The following SRPX variants were observed in gnomAD, a reference collection of about 807,000 sequenced individuals.
SRPX encodes the protein sushi repeat-containing protein SRPX.
In SRPX, 24 loss-of-function variants were observed where a neutral mutation model predicts 38.1. The observed-to-expected ratio is 0.63, with a 90% CI of 0.46 to 0.89. The LOEUF (loss-of-function observed/expected upper bound fraction) is 0.89, where lower values mean the gene tolerates loss of function less well. Ranked by LOEUF, SRPX falls within the 40% of genes least tolerant of loss-of-function variation. The probability of loss-of-function intolerance (pLI) is 0.00; values close to 1 mark genes in which losing one functional copy is unlikely to be tolerated. For missense variants in SRPX, 416 were observed against 377.8 expected (o/e 1.10, Z -0.84); for synonymous variants, 184 against 153.8 (o/e 1.20, Z -1.45).
At position 38,161,779 on chromosome X, in the gene SRPX, G is replaced by T. The variant is rs1044611262; in HGVS notation, c.654-725C>A. Among the ~76,000 whole-genome samples, 8 of 111,797 alleles carry T rather than the reference G, an allele frequency of 7.2e-5. No homozygotes were observed. In the Admixed American group the frequency reaches 7.6e-4, roughly 11 times the overall value. ...AAAAAGGCTAAAGAACTTGCCCAAGGTCACACAGCTAGGGTGAGTTTATCT... is the reference window on the plus strand; with the variant it reads ...AAAAAGGCTAAAGAACTTGCCCAAGTTCACACAGCTAGGGTGAGTTTATCT... On this transcript the variant is annotated intron_variant, in intron 5 of 9. Coordinates refer to ENST00000378533, the MANE Select transcript of SRPX (RefSeq NM_006307.5).
chrX:38,201,921 G>A (rs933534785), intron 1 of SRPX, among the ~76,000 whole-genome samples: 18 of 112,128 alleles, frequency 1.6e-4, no homozygotes, highest in Admixed American at 9.4e-4. Context: ...TAGACACTGG[G>A]TACAGAGAGA....
chrX:38,183,452 T>C (rs759285026), intron 1 of SRPX, among the ~76,000 whole-genome samples: 7 of 112,017 alleles, frequency 6.2e-5, no homozygotes, highest in African/African-American at 2.3e-4. Flanking sequence ...ATATATTAAC[T>C]TCTATAAAAA....
intron 1 of SRPX, among the ~76,000 whole-genome samples, chrX:38,218,260 G>A (rs1018080046): frequency 1.8e-5 from 2 of 112,472 alleles, no homozygotes; most frequent in Non-Finnish European, 3.8e-5. Flanking sequence ...TTTGCAGAAG[G>A]AGGCAGAGTG....
chrX:38,179,967 A>T (rs976381279), intron 1 of SRPX, among the ~76,000 whole-genome samples: 3 of 111,275 alleles, frequency 2.7e-5, no homozygotes, highest in African/African-American at 9.8e-5. Flanking sequence ...AAAAACAATG[A>T]AAACCAGGAA....
intron 1 of SRPX, among the ~76,000 whole-genome samples, chrX:38,212,128 T>C (rs1468755860): frequency 8.9e-6 from 1 of 112,216 alleles, no homozygotes; most frequent in Admixed American, 9.5e-5. Context: ...GAAAAAGCCA[T>C]GCAAGGCCCC....
intron 1 of SRPX, 41 bp from the exon 2 acceptor site, chrX:38,178,385 C>T (rs1019338091): frequency 4.0e-5 from 44 of 1,099,875 alleles, no homozygotes; most frequent in Non-Finnish European, 5.3e-5. Context: ...AGAAAAGCCA[C>T]ATAGTATGGA....
intron 1 of SRPX, among the ~76,000 whole-genome samples, chrX:38,195,661 G>A (rs1370352038): frequency 9.0e-6 from 1 of 111,430 alleles, no homozygotes; most frequent in African/African-American, 3.3e-5. Context: ...TGATGCACAC[G>A]CCAGCCTCAA....
At position 38,161,077 on chromosome X, in the gene SRPX, C is replaced by T. The variant is rs373603379; in HGVS notation, c.654-23G>A. The T allele has an allele frequency of 2.2e-5, 27 of 1,203,804 alleles. No homozygotes were observed. In the East Asian group the frequency reaches 6.2e-4, roughly 28 times the overall value. Reference sequence around the variant, plus strand: ...ACACTTAGAGAAAAAAAATCAGAAACAGGAAAGATGACATTATGGACCTGA... The same window carrying T: ...ACACTTAGAGAAAAAAAATCAGAAATAGGAAAGATGACATTATGGACCTGA... On this transcript the variant is annotated intron_variant, in intron 5 of 9. Transcript: ENST00000378533.
chrX:38,209,211 T>C (rs1939272230), intron 1 of SRPX, among the ~76,000 whole-genome samples: 1 of 110,182 alleles, frequency 9.1e-6, no homozygotes. Context: ...AAATGGAAGT[T>C]GTCAGTTGTC....
intron 1 of SRPX, among the ~76,000 whole-genome samples, chrX:38,197,328 C>A (rs1420462767): frequency 8.9e-6 from 1 of 112,328 alleles, no homozygotes; most frequent in Non-Finnish European, 1.9e-5. Context: ...AAAGAGAGAG[C>A]AACAGTGGCC....
chrX:38,201,166 T>C (rs780742807), intron 1 of SRPX, among the ~76,000 whole-genome samples: 1 of 111,536 alleles, frequency 9.0e-6, no homozygotes, highest in Admixed American at 9.5e-5. Flanking sequence ...TGATAAACAA[T>C]CCAATCCTTT....
chrX:38,200,592 C>T (rs1279647922), intron 1 of SRPX, among the ~76,000 whole-genome samples: 4 of 111,539 alleles, frequency 3.6e-5, no homozygotes, highest in Admixed American at 9.5e-5. Flanking sequence ...GGCCTTAATG[C>T]GGCATCATCT....
intron 6 of SRPX, 47 bp downstream of exon 6, chrX:38,160,886 C>T: frequency 8.4e-7 from 1 of 1,188,401 alleles, no homozygotes; most frequent in Non-Finnish European, 1.1e-6. Context: ...CTTCCCTTTG[C>T]TCTTCTAAAG....
chrX:38,150,448 T>C (rs1419983270), intron 9 of SRPX, among the ~76,000 whole-genome samples: 1 of 112,093 alleles, frequency 8.9e-6, no homozygotes, highest in Non-Finnish European at 1.9e-5. Context: ...TCTGGAGATA[T>C]TTTTGGTTGT....
intron 1 of SRPX, among the ~76,000 whole-genome samples, chrX:38,217,945 C>T (rs1259463464): frequency 8.9e-6 from 1 of 112,131 alleles, no homozygotes; most frequent in Non-Finnish European, 1.9e-5. Context: ...AGCATATTTC[C>T]TTTTCATTGC....
intron 1 of SRPX, among the ~76,000 whole-genome samples, chrX:38,213,765 A>G (rs1450364499): frequency 8.9e-6 from 1 of 112,192 alleles, no homozygotes; most frequent in Non-Finnish European, 1.9e-5. Flanking sequence ...ACTTGCAATC[A>G]AGGCAGAAGG....
At chrX:38,168,573 T>C (rs1938404045) in intron 4 of SRPX, among the ~76,000 whole-genome samples, 1 of 112,505 alleles carries the variant, frequency 8.9e-6, no homozygotes, top group South Asian at 3.7e-4. Context: ...GTGTGGTCTA[T>C]TGTGCAGCAA....
At chrX:38,205,748 G>C (rs1281468863) in intron 1 of SRPX, among the ~76,000 whole-genome samples, 2 of 112,390 alleles carry the variant, frequency 1.8e-5, no homozygotes, top group Non-Finnish European at 3.8e-5. Flanking sequence ...TCACTTCTAT[G>C]AACTTTCAAT....
At chrX:38,157,169 G>A in intron 7 of SRPX, 140 bp from the exon 8 acceptor site, 1 of 729,791 alleles carries the variant, frequency 1.4e-6, no homozygotes, top group Non-Finnish European at 2.0e-6. Flanking sequence ...TATTTGGGAG[G>A]CAGTCCCAAG....
Sources: allele counts gnomAD v4.1 joint callset (sites outside exome capture counted in the v4.1 genomes callset), GRCh38; gene constraint gnomAD v4.1.1; transcripts MANE v1.5; gene names NCBI Gene and HGNC (gene_info 2026-07-23, HGNC 2026-07-21).